SLC14A2: variants seen among roughly 807,000 people sequenced by gnomAD.
The protein encoded by SLC14A2 is solute carrier family 14 member 2.
In SLC14A2, 91 loss-of-function variants were observed where a neutral mutation model predicts 104.6. The ratio of observed to expected loss-of-function variants is 0.87; its 90% confidence interval spans 0.73 to 1.04. SLC14A2 has a LOEUF of 1.04. Ranked by LOEUF, SLC14A2 falls within the 50% of genes least tolerant of loss-of-function variation. The pLI, the probability that SLC14A2 is intolerant of heterozygous loss-of-function variation, is 0.00. For missense variants in SLC14A2, 1,189 were observed against 1,156.0 expected (o/e 1.03, Z -0.41); for synonymous variants, 476 against 466.4 (o/e 1.02, Z -0.27).
intron 5 of SLC14A2, chr18:45,634,942 T>G: frequency 2.2e-6 from 1 of 452,210 alleles, no homozygotes; most frequent in Non-Finnish European, 4.5e-6. Context: ...GTGATATCCA[T>G]GAACATGGTA....
At chr18:45,628,442 CA>C (rs59400362) in intron 4 of SLC14A2, among the ~76,000 whole-genome samples, 101,767 of 124,326 alleles carry the variant, frequency 0.82, 41,985 homozygotes, top group Middle Eastern at 0.93. Context: ...GACTCTGCCT[CA>C]AAAAAAAAAA....
At chr18:45,253,177 C>T (rs551880063) in intron 1 of SLC14A2, among the ~76,000 whole-genome samples, 3 of 152,234 alleles carry the variant, frequency 2.0e-5, no homozygotes, top group South Asian at 2.1e-4. Flanking sequence ...CAGGGTAGGG[C>T]CCAATATTTC....
intron 1 of SLC14A2, among the ~76,000 whole-genome samples, chr18:45,398,774 G>A (rs985483787): frequency 3.3e-5 from 5 of 152,044 alleles, no homozygotes; most frequent in Admixed American, 6.6e-5. Context: ...CTTAGAGCAC[G>A]CAAACTCACA....
At chr18:45,223,924 A>G (rs146376661) in intron 1 of SLC14A2, among the ~76,000 whole-genome samples, 1 of 152,278 alleles carries the variant, frequency 6.6e-6, no homozygotes, top group Non-Finnish European at 1.5e-5. Flanking sequence ...ACAAATTGCT[A>G]TTATGTCAGC....
intron 1 of SLC14A2, among the ~76,000 whole-genome samples, chr18:45,466,106 A>G (rs778671876): frequency 6.6e-6 from 1 of 151,984 alleles, no homozygotes; most frequent in East Asian, 1.9e-4. Flanking sequence ...ATTATCCCCA[A>G]TTTGCAACGA....
intron 1 of SLC14A2, among the ~76,000 whole-genome samples, chr18:45,379,981 T>C (rs2085816716): frequency 6.6e-6 from 1 of 152,180 alleles, no homozygotes; most frequent in Non-Finnish European, 1.5e-5. Flanking sequence ...GCCAGAGTAA[T>C]GTAAGGCTCC....
At chr18:45,576,832 C>T (rs891489905) in intron 2 of SLC14A2, among the ~76,000 whole-genome samples, 1 of 152,232 alleles carries the variant, frequency 6.6e-6, no homozygotes, top group Admixed American at 6.5e-5. Context: ...GGGCATGGCA[C>T]GCCGAGGGGA....
At chr18:45,307,793 C>A (rs2085038850) in intron 1 of SLC14A2, among the ~76,000 whole-genome samples, 1 of 152,198 alleles carries the variant, frequency 6.6e-6, no homozygotes, top group African/African-American at 2.4e-5. Flanking sequence ...ACTATAAGAG[C>A]CAACATTTAT....
At chr18:45,525,503 G>T (rs1365311043) in intron 2 of SLC14A2, among the ~76,000 whole-genome samples, 1 of 152,142 alleles carries the variant, frequency 6.6e-6, no homozygotes, top group Non-Finnish European at 1.5e-5. Flanking sequence ...TTTATTACTG[G>T]TTATTAACTC....
chr18:45,528,072 C>T (rs1419835558), intron 2 of SLC14A2: 2 of 151,928 alleles, frequency 1.3e-5, no homozygotes, highest in Non-Finnish European at 2.9e-5. Flanking sequence ...TTCCTCCTCC[C>T]TCCAGGCAGA....
chr18:45,539,940 G>GTGTTTCCC (rs2043860001), intron 2 of SLC14A2, among the ~76,000 whole-genome samples: 1 of 151,858 alleles, frequency 6.6e-6, no homozygotes, highest in African/African-American at 2.4e-5. Flanking sequence ...TGTATCTCAT[G>GTGTTTCCC]TGTTTAAAAT....
At chr18:45,302,661 C>T (rs1234286356) in intron 1 of SLC14A2, among the ~76,000 whole-genome samples, 5 of 152,226 alleles carry the variant, frequency 3.3e-5, no homozygotes, top group Non-Finnish European at 2.9e-5. Context: ...AACAGACACT[C>T]GGGTTCTATT....
At chr18:45,311,728 C>G (rs2085081175) in intron 1 of SLC14A2, among the ~76,000 whole-genome samples, 1 of 152,158 alleles carries the variant, frequency 6.6e-6, no homozygotes, top group South Asian at 2.1e-4. Flanking sequence ...CACTTGGGTT[C>G]TGATAAGCCA....
At chr18:45,538,537 G>A (rs922995953) in intron 2 of SLC14A2, among the ~76,000 whole-genome samples, 2 of 152,206 alleles carry the variant, frequency 1.3e-5, no homozygotes, top group African/African-American at 4.8e-5. Flanking sequence ...CCAGGCTTCA[G>A]TTCCCCTGTG....
At chr18:45,492,365 C>G (rs1001544083) in intron 2 of SLC14A2, among the ~76,000 whole-genome samples, 1 of 152,148 alleles carries the variant, frequency 6.6e-6, no homozygotes, top group Non-Finnish European at 1.5e-5. Context: ...CAGTTCTGCA[C>G]GGCGGGTGAG....
At chr18:45,171,938 T>C in the SLC14A2 span, among the ~76,000 whole-genome samples, 2 of 152,126 alleles carry the variant, frequency 1.3e-5, no homozygotes, top group African/African-American at 4.8e-5. Flanking sequence ...AAATCACTAC[T>C]GGTATCTTAC....
upstream of SLC14A2, among the ~76,000 whole-genome samples, chr18:45,211,480 A>C (rs1168517388): frequency 6.6e-6 from 1 of 152,228 alleles, no homozygotes; most frequent in Non-Finnish European, 1.5e-5. Context: ...TTTAGGGAGA[A>C]GAAAAAAATT....
intron 1 of SLC14A2, among the ~76,000 whole-genome samples, chr18:45,267,936 T>A (rs1568128103): frequency 6.6e-6 from 1 of 152,168 alleles, no homozygotes. Context: ...TTTGTGTTCT[T>A]TCATCTCAAA....
At chr18:45,460,673 C>T (rs554047215) in intron 1 of SLC14A2, among the ~76,000 whole-genome samples, 218 of 152,168 alleles carry the variant, frequency 1.4e-3, no homozygotes, top group Middle Eastern at 3.2e-3. Flanking sequence ...GAGTTCTGTA[C>T]TATTAATTCC....
Sources: allele counts gnomAD v4.1 joint callset (sites outside exome capture counted in the v4.1 genomes callset), GRCh38; gene constraint gnomAD v4.1.1; transcripts MANE v1.5; gene names NCBI Gene and HGNC (gene_info 2026-07-23, HGNC 2026-07-21).